FBN2: variants seen among roughly 807,000 people sequenced by gnomAD.
FBN2 encodes fibrillin 2.
A neutral mutation model predicts 355.6 loss-of-function variants in FBN2; 105 were observed. The ratio of observed to expected loss-of-function variants is 0.30; its 90% confidence interval spans 0.25 to 0.35. The LOEUF is 0.35. Among genes scored for constraint, FBN2 ranks in the 10% least tolerant of loss-of-function variants. The pLI, the probability that FBN2 is intolerant of heterozygous loss-of-function variation, is 1.00. For missense variants in FBN2, 3,280 were observed against 3,758.7 expected (o/e 0.87, Z 3.33); for synonymous variants, 1,350 against 1,301.2 (o/e 1.04, Z -0.81).
chr5:128,328,825 T>G lies in FBN2; in HGVS notation c.4346-4A>C. The G allele has an allele frequency of 1.2e-6, 2 of 1,614,136 alleles. No homozygotes were observed. On this transcript the variant is annotated splice_region_variant and splice_polypyrimidine_tract_variant and intron_variant, in intron 33 of 64. Coordinates refer to ENST00000262464, the MANE Select transcript of FBN2 (RefSeq NM_001999.4). ...TTTTCTGCACACTCATCAACATCTG[T>G]GCAAAAAAGCAAATTACATCTCTGT...
chr5:128,489,244 A>G (rs1009339010), intron 5 of FBN2, among the ~76,000 whole-genome samples: 18 of 152,214 alleles, frequency 1.2e-4, no homozygotes, highest in African/African-American at 4.3e-4. Context: ...AGAAATGAAT[A>G]TTTCTATGCA....
chr5:128,450,524 G>A (rs1315466450), intron 6 of FBN2, among the ~76,000 whole-genome samples: 1 of 152,070 alleles, frequency 6.6e-6, no homozygotes, highest in Non-Finnish European at 1.5e-5. Context: ...AAAATTTGCA[G>A]GATGCAGCTA....
In FBN2 at chr5:128,286,862, A is replaced by C. The variant is rs1488925293; in HGVS notation, c.6881-13T>G. On this transcript the variant is annotated splice_polypyrimidine_tract_variant and intron_variant, in intron 54 of 64. Coordinates refer to ENST00000262464, the MANE Select transcript of FBN2 (RefSeq NM_001999.4). Reference sequence around the variant, plus strand: ...CATTCATCCAGATCTAGAACAAAAAATAAAAATTAAAAATTATCTGGAGCA... The same window carrying C: ...CATTCATCCAGATCTAGAACAAAAACTAAAAATTAAAAATTATCTGGAGCA... The C allele has an allele frequency of 1.2e-6, 2 of 1,613,460 alleles. No individual in the cohort carries two copies.
rs1765493402 is a variant in FBN2 at position 128,280,047 on chromosome 5, G to A, written c.7138+145C>T. The stretch of plus-strand genomic sequence containing the variant: ...GTACAAATATATCATTTTAATAGAT[G>A]TGCATCTTTAAGAAGAAGCATGTGG... On this transcript the variant is annotated intron_variant, in intron 56 of 64. Coordinates refer to ENST00000262464, the MANE Select transcript of FBN2 (RefSeq NM_001999.4). The A allele has an allele frequency of 9.0e-6, 6 of 669,620 alleles. No individual in the cohort carries two copies. The Admixed American group carries it at 1.3e-4, about 15-fold the overall frequency. 41.5% of individuals were successfully genotyped at this position (669,620 alleles called of 1,614,324 possible).
At chr5:128,458,027 A>G (rs1323699406) in intron 6 of FBN2, among the ~76,000 whole-genome samples, 1 of 152,150 alleles carries the variant, frequency 6.6e-6, no homozygotes, top group Non-Finnish European at 1.5e-5. Context: ...CAAACTGGAT[A>G]AGCTGTCAAG....
At chr5:128,408,903 G>T in intron 7 of FBN2, 104 bp from the exon 8 acceptor site, 2 of 1,245,640 alleles carry the variant, frequency 1.6e-6, no homozygotes, top group Non-Finnish European at 2.4e-6. Context: ...TGGTTGATTA[G>T]GTCAGATCAT....
intron 25 of FBN2, among the ~76,000 whole-genome samples, chr5:128,342,794 T>C (rs1466133962): frequency 6.6e-6 from 1 of 151,726 alleles, no homozygotes; most frequent in African/African-American, 2.4e-5. Context: ...AATAGCACGA[T>C]CTCGGCTCAC....
At chr5:128,446,876 C>T (rs371807370) in intron 6 of FBN2, among the ~76,000 whole-genome samples, 69 of 152,204 alleles carry the variant, frequency 4.5e-4, no homozygotes, top group Non-Finnish European at 7.6e-4. Flanking sequence ...GGACCCCGAA[C>T]GGAGGGACCG....
intron 8 of FBN2, among the ~76,000 whole-genome samples, chr5:128,403,485 A>G (rs1432691214): frequency 2.0e-5 from 3 of 152,140 alleles, no homozygotes; most frequent in African/African-American, 7.2e-5. Context: ...CAGCAGACAC[A>G]TTATCCTGCA....
At chr5:128,491,323 A>G (rs547325679) in intron 5 of FBN2, among the ~76,000 whole-genome samples, 8 of 152,340 alleles carry the variant, frequency 5.3e-5, no homozygotes, top group African/African-American at 1.9e-4. Context: ...CTGTAACGCA[A>G]TAAGAGCTTT....
chr5:128,272,711 C>A (rs924661489), intron 61 of FBN2, among the ~76,000 whole-genome samples: 4 of 151,784 alleles, frequency 2.6e-5, no homozygotes, highest in East Asian at 3.9e-4. Context: ...GGAATAATTT[C>A]TTTATTTATG....
intron 55 of FBN2, among the ~76,000 whole-genome samples, chr5:128,284,778 A>C (rs970081571): frequency 6.6e-6 from 1 of 152,154 alleles, no homozygotes; most frequent in Non-Finnish European, 1.5e-5. Context: ...GGCAGTCTCC[A>C]TGTCTAGAAG....
intron 16 of FBN2, 29 bp from the exon 17 acceptor site, chr5:128,366,459 A>T: frequency 6.7e-7 from 1 of 1,488,044 alleles, no homozygotes; most frequent in African/African-American, 1.4e-5. Context: ...TAGAAGAATT[A>T]AAAACTTAAC....
intron 7 of FBN2, among the ~76,000 whole-genome samples, chr5:128,416,472 T>C (rs1753202568): frequency 6.6e-6 from 1 of 152,260 alleles, no homozygotes; most frequent in Admixed American, 6.5e-5. Context: ...GTCGTAGTCA[T>C]AAAATTCTTG....
intron 5 of FBN2, among the ~76,000 whole-genome samples, chr5:128,486,446 T>C (rs989689251): frequency 3.3e-5 from 5 of 152,148 alleles, no homozygotes; most frequent in Admixed American, 2.0e-4. Context: ...ATATTCAAAA[T>C]AATGTCTCAC....
intron 5 of FBN2, among the ~76,000 whole-genome samples, chr5:128,490,375 G>A (rs1195926099): frequency 6.6e-6 from 1 of 152,118 alleles, no homozygotes; most frequent in Non-Finnish European, 1.5e-5. Flanking sequence ...CATAAATCAT[G>A]GAAGCCACAG....
intron 32 of FBN2, among the ~76,000 whole-genome samples, chr5:128,332,689 T>C (rs1750725588): frequency 6.6e-6 from 1 of 152,192 alleles, no homozygotes; most frequent in Non-Finnish European, 1.5e-5. Flanking sequence ...CAATTTTTAC[T>C]GAACAAAAAC....
intron 36 of FBN2, among the ~76,000 whole-genome samples, chr5:128,316,087 A>G (rs1750192735): frequency 6.6e-6 from 1 of 152,244 alleles, no homozygotes; most frequent in Non-Finnish European, 1.5e-5. Context: ...ACTGTGTTCA[A>G]TAAATGCTAA....
chr5:128,501,579 T>A (rs1272626392), intron 5 of FBN2, among the ~76,000 whole-genome samples: 1 of 152,108 alleles, frequency 6.6e-6, no homozygotes, highest in African/African-American at 2.4e-5. Context: ...GAAAAAATAA[T>A]GAGAAAACAA....
Sources: gnomAD v4.1 joint callset for allele counts (sites outside exome capture counted in the v4.1 genomes callset) on GRCh38, gnomAD v4.1.1 for gene constraint, MANE v1.5 for transcripts, NCBI Gene and HGNC (gene_info 2026-07-23, HGNC 2026-07-21) for gene names.